The following ELK3 variants were observed in gnomAD, a reference collection of about 807,000 sequenced individuals.
ELK3 encodes ETS transcription factor ELK3.
In ELK3, 10 loss-of-function variants were observed where a neutral mutation model predicts 28.9. That is an observed-to-expected ratio of 0.35 (90% confidence interval 0.21 to 0.59). ELK3 has a LOEUF of 0.59. ELK3 is among the 20% of genes least tolerant of loss of function. The pLI is 0.82. For synonymous variants in ELK3, 272 were observed against 243.5 expected (o/e 1.12, Z -1.09); for missense variants, 463 against 517.3 (o/e 0.90, Z 1.02).
intron 4 of ELK3, among the ~76,000 whole-genome samples, chr12:96,265,138 C>G (rs1251696499): frequency 6.6e-6 from 1 of 151,998 alleles, no homozygotes; most frequent in East Asian, 1.9e-4. Flanking sequence ...GAAAAGGTGG[C>G]TGGGGACAAA....
At chr12:96,231,696 C>G (rs1315926445) in intron 2 of ELK3, among the ~76,000 whole-genome samples, 1 of 152,012 alleles carries the variant, frequency 6.6e-6, no homozygotes, top group Admixed American at 6.6e-5. Flanking sequence ...TTTCACCAGA[C>G]TAGTCTCGAA....
chr12:96,228,416 CAAAAAAA>C (rs71091236), intron 2 of ELK3, among the ~76,000 whole-genome samples: 34 of 68,322 alleles, frequency 5.0e-4, no homozygotes, highest in African/African-American at 1.2e-3. Flanking sequence ...GACTCTGTGT[CAAAAAAA>C]AAAAAAAAAA....
At chr12:96,244,718 G>A (rs186740402) in intron 2 of ELK3, among the ~76,000 whole-genome samples, 1 of 152,270 alleles carries the variant, frequency 6.6e-6, no homozygotes, top group East Asian at 1.9e-4. Context: ...AGCGAAGGAA[G>A]CATTAACACA....
chr12:96,259,682 C>A, intron 3 of ELK3, 49 bp from the exon 4 acceptor site: 1 of 1,568,878 alleles, frequency 6.4e-7, no homozygotes, highest in Admixed American at 1.7e-5. Context: ...TGATCATGGC[C>A]CAAGTCAGGT....
intron 1 of ELK3, among the ~76,000 whole-genome samples, chr12:96,195,896 C>T (rs1373280608): frequency 6.6e-6 from 1 of 150,798 alleles, no homozygotes; most frequent in Non-Finnish European, 1.5e-5. Context: ...CCCCCTCCCA[C>T]CCTCCCTCAT....
At chr12:96,259,666 C>T (rs1951978330) in intron 3 of ELK3, 65 bp from the exon 4 acceptor site, 14 of 1,539,002 alleles carry the variant, frequency 9.1e-6, no homozygotes, top group Non-Finnish European at 1.2e-5. Context: ...CTCTCTGCTG[C>T]TCTGTTGATC....
intron 4 of ELK3, among the ~76,000 whole-genome samples, chr12:96,266,215 C>T (rs1035433338): frequency 1.3e-5 from 2 of 152,170 alleles, no homozygotes; most frequent in Non-Finnish European, 2.9e-5. Flanking sequence ...ATTTGTTGTA[C>T]TTCTAACATG....
intron 2 of ELK3, among the ~76,000 whole-genome samples, chr12:96,239,463 G>A (rs893651386): frequency 2.0e-5 from 3 of 152,128 alleles, no homozygotes; most frequent in Admixed American, 2.0e-4. Flanking sequence ...TAACCTCACT[G>A]TCCAGGGGGA....
chr12:96,205,813 T>A (rs1335416411), intron 1 of ELK3, among the ~76,000 whole-genome samples: 3 of 152,188 alleles, frequency 2.0e-5, no homozygotes, highest in Non-Finnish European at 4.4e-5. Flanking sequence ...GACTTCATCT[T>A]AGATAGTTGA....
intron 1 of ELK3, among the ~76,000 whole-genome samples, chr12:96,206,879 C>T (rs1951541443): frequency 6.6e-6 from 1 of 152,162 alleles, no homozygotes; most frequent in Non-Finnish European, 1.5e-5. Flanking sequence ...ACACCATTCT[C>T]TGGACATGAA....
Position 96,239,765 on chromosome 12 carries a change from C to G in ELK3, c.208-7175C>G, listed in dbSNP as rs1001645715. On this transcript the variant is annotated intron_variant, in intron 2 of 4. Transcript: ENST00000228741. ...CTCTCCCAGGAACCCTGAGCAGAGG[C>G]CTGAGCCCAAGCAGACGCTGCAAGG... 3.9e-5 allele frequency among the ~76,000 whole-genome samples: 6 copies of G among 152,338 alleles called. No homozygotes were observed. In the East Asian group the frequency reaches 1.2e-3, roughly 29 times the overall value.
intron 2 of ELK3, among the ~76,000 whole-genome samples, chr12:96,233,365 G>C (rs1465831152): frequency 6.6e-6 from 1 of 152,178 alleles, no homozygotes; most frequent in Admixed American, 6.5e-5. Context: ...TGAAAGCTCT[G>C]CTGGCTCCCT....
At chr12:96,242,431 T>C (rs187484975) in intron 2 of ELK3, among the ~76,000 whole-genome samples, 2 of 152,346 alleles carry the variant, frequency 1.3e-5, no homozygotes. Flanking sequence ...TCTTAGAAGA[T>C]AGCCTGACAA....
chr12:96,241,426 T>TG lies in ELK3; in HGVS notation c.208-5514_208-5513insG, dbSNP rs1951820114. 3.3e-4 allele frequency among the ~76,000 whole-genome samples: 49 copies of TG among 146,448 alleles called. 2 individuals are homozygous for TG. The highest frequency in any genetic ancestry group is 2.9e-3 in the Admixed American group (42 of 14,592). On this transcript the variant is annotated intron_variant, in intron 2 of 4. Transcript: ENST00000228741. Reference sequence around the variant, plus strand: ...CTCTTCAAAGGGCACAGTGGAGCGTTTGTGTGTGTGTGTGTGTGTGTGTGT... The same window carrying TG: ...CTCTTCAAAGGGCACAGTGGAGCGTTGTGTGTGTGTGTGTGTGTGTGTGTGT...
At chr12:96,245,291 G>C (rs940866041) in intron 2 of ELK3, among the ~76,000 whole-genome samples, 1 of 152,174 alleles carries the variant, frequency 6.6e-6, no homozygotes, top group African/African-American at 2.4e-5. Flanking sequence ...ACATTCAGTT[G>C]AATTTCATGT....
intron 4 of ELK3, among the ~76,000 whole-genome samples, chr12:96,264,724 G>A (rs1952017157): frequency 6.6e-6 from 1 of 152,210 alleles, no homozygotes; most frequent in Non-Finnish European, 1.5e-5. Context: ...GGTTGAGGCT[G>A]TAGTGAGCCA....
intron 1 of ELK3, among the ~76,000 whole-genome samples, chr12:96,223,175 C>T (rs1328126976): frequency 2.0e-5 from 3 of 152,148 alleles, no homozygotes; most frequent in Non-Finnish European, 2.9e-5. Context: ...ATCACGGACC[C>T]ACAAAGAAAT....
chr12:96,214,196 C>T (rs1215349523), intron 1 of ELK3, among the ~76,000 whole-genome samples: 1 of 151,916 alleles, frequency 6.6e-6, no homozygotes, highest in East Asian at 1.9e-4. Context: ...TTTGGGAGGC[C>T]GAGGTGGGTG....
At chr12:96,226,575 C>T (rs1158806985) in intron 2 of ELK3, among the ~76,000 whole-genome samples, 1 of 152,142 alleles carries the variant, frequency 6.6e-6, no homozygotes, top group Admixed American at 6.5e-5. Context: ...TGCCCACATG[C>T]ACACACAGAT....
Sources: gnomAD v4.1 joint callset for allele counts (sites outside exome capture counted in the v4.1 genomes callset) on GRCh38, gnomAD v4.1.1 for gene constraint, MANE v1.5 for transcripts, NCBI Gene and HGNC (gene_info 2026-07-23, HGNC 2026-07-21) for gene names.